Variants in NOTCH2NLR observed in about 807,000 individuals in gnomAD.
NOTCH2NLR encodes the protein notch 2 N-terminal like R (pseudogene).
In NOTCH2NLR, 33 loss-of-function variants were observed where a neutral mutation model predicts 35.6. The ratio of observed to expected loss-of-function variants is 0.93; its 90% CI spans 0.70 to 1.24. NOTCH2NLR has a LOEUF of 1.24. NOTCH2NLR is among the 50% of genes most tolerant of loss of function. The pLI is 0.00. For missense variants in NOTCH2NLR, 276 were observed against 362.2 expected (o/e 0.76, Z 1.93); for synonymous variants, 103 against 141.0 (o/e 0.73, Z 1.91).
chr1:120,793,785 A>T lies in NOTCH2NLR; in HGVS notation c.790A>T (p.Arg264Ter), dbSNP rs1277332324. The change falls in exon 5 of 5, where the codon AGA (arginine) becomes TGA (stop). Residue 264 changes from arginine to a stop codon, truncating the protein, a stop_gained. Transcript: ENST00000624419. LOFTEE classifies it high-confidence loss of function. ...TAAGAGGAACAGAGCTCTGGGAAAGAGACAGGCAAGTCTGGAATGGAAAAG... is the reference window on the plus strand; with the variant it reads ...TAAGAGGAACAGAGCTCTGGGAAAGTGACAGGCAAGTCTGGAATGGAAAAG... 7 of 1,025,916 alleles carry T rather than the reference A, an allele frequency of 6.8e-6. 2 individuals carry two copies. The highest frequency in any genetic ancestry group is 7.1e-5 in the African/African-American group (2 of 28,290). 63.6% of individuals were successfully genotyped at this position (1,025,916 alleles called of 1,614,324 possible). A position where few individuals can be genotyped will look rare whatever the true frequency, so the allele number is the denominator to read the frequency against.
chr1:120,750,390 C>G (rs1436830475), intron 1 of NOTCH2NLR, among the ~76,000 whole-genome samples: 1 of 79,880 alleles, frequency 1.3e-5, no homozygotes, highest in East Asian at 2.9e-4. Context: ...GGTGTTCACA[C>G]AAGCCATAGA....
intron 2 of NOTCH2NLR, among the ~76,000 whole-genome samples, chr1:120,776,127 C>T (rs1463199973): frequency 8.6e-6 from 1 of 116,666 alleles, no homozygotes; most frequent in East Asian, 2.1e-4. Context: ...TAGTTGAATG[C>T]CTTCTATATG....
intron 1 of NOTCH2NLR, among the ~76,000 whole-genome samples, chr1:120,761,168 G>A (rs1651133191): frequency 7.9e-6 from 1 of 126,282 alleles, no homozygotes; most frequent in Non-Finnish European, 1.6e-5. Flanking sequence ...TTGACTTTGG[G>A]TTGCTTGTAT....
chr1:120,730,619 C>T (rs1650865462), intron 1 of NOTCH2NLR, among the ~76,000 whole-genome samples: 1 of 115,104 alleles, frequency 8.7e-6, no homozygotes, highest in Non-Finnish European at 1.7e-5. Flanking sequence ...AGAATATTAT[C>T]TGTGTGGCAG....
rs1476124067 is a variant in NOTCH2NLR, at chr1:120,724,285, C to T, written c.73+35C>T. 3.8e-5 allele frequency: 52 copies of T among 1,373,336 alleles called. 11 individuals are homozygous for T. The highest frequency in any genetic ancestry group is 4.8e-5 in the Non-Finnish European group (51 of 1,053,006). 85.1% of individuals were successfully genotyped at this position (1,373,336 alleles called of 1,614,324 possible). ...GGGCTGAGGGGCGCTGTCCGCGGCG[C>T]CCGGGGCTGCCACCTGGGGCGACCC... is the stretch of plus-strand genomic sequence containing the variant. On this transcript the variant is annotated intron_variant, in intron 1 of 4. Transcript: ENST00000624419.
Position 120,724,238 on chromosome 1 carries a change from GC to G in NOTCH2NLR, c.66del (p.Ala23ArgfsTer14). On this transcript the variant is annotated frameshift_variant, in exon 1 of 5. Transcript: ENST00000624419. LOFTEE classifies it high-confidence loss of function. ...GCTGGCGCTCTGGCTGTGCTGGGCG[GC>G]CCCCGCGCATGGTGAGTATCGGGCT... 1 of 1,402,590 alleles carries G rather than the reference GC, an allele frequency of 7.1e-7. No individual in the cohort carries two copies. The highest frequency in any genetic ancestry group is 9.4e-7 in the Non-Finnish European group (1 of 1,068,854). The allele number at this position is 1,402,590 out of a possible 1,614,324, so 86.9% of individuals were successfully genotyped here.
At chr1:120,785,028 G>C (rs1651405460) in exon 3 of NOTCH2NLR, 3 of 1,437,000 alleles carry the variant, frequency 2.1e-6, no homozygotes. Context: ...CCTGTGAGAA[G>C]AACCGCTGCC....
chr1:120,745,761 A>G (rs1650976036), intron 1 of NOTCH2NLR, among the ~76,000 whole-genome samples: 1 of 39,808 alleles, frequency 2.5e-5, no homozygotes, highest in Non-Finnish European at 4.1e-5. Flanking sequence ...GGCTGCCATG[A>G]GCTGAGATCA....
At chr1:120,763,516 A>T in intron 1 of NOTCH2NLR, 112 bp from the exon 2 acceptor site, 2 of 489,760 alleles carry the variant, frequency 4.1e-6, no homozygotes, top group South Asian at 3.9e-5. Context: ...CTCTAAAAAG[A>T]AACCCAGATT....
intron 1 of NOTCH2NLR, among the ~76,000 whole-genome samples, chr1:120,728,578 C>T (rs1650840797): frequency 8.5e-6 from 1 of 117,492 alleles, no homozygotes; most frequent in Non-Finnish European, 1.6e-5. Flanking sequence ...CCACTGCTTC[C>T]TGTATTACTG....
Position 120,790,011 on chromosome 1 carries a change from T to G in NOTCH2NLR, c.416-3150T>G, listed in dbSNP as rs1200990237. Among the ~76,000 whole-genome samples the G allele has an allele frequency of 1.6e-4, 4 of 25,490 alleles. 2 individuals are homozygous for G. Among genetic ancestry groups the G allele is most frequent in the Non-Finnish European group, 3.6e-4 (4 of 11,226 alleles). The allele number at this position is 25,490 out of a possible 152,430, so 16.7% of individuals were successfully genotyped here. A position where few individuals can be genotyped will look rare whatever the true frequency, so the allele number is the denominator to read the frequency against. On this transcript the variant is annotated intron_variant, in intron 3 of 4. Coordinates refer to ENST00000624419, the Ensembl canonical transcript of NOTCH2NLR. ...TGTGTTCTGCAAGATTCTGATCACC[T>G]TTTTTTTTTTTTTTTTTTTTTTTGA...
chr1:120,768,570 C>T (rs1308181832), intron 2 of NOTCH2NLR, among the ~76,000 whole-genome samples: 2 of 110,054 alleles, frequency 1.8e-5, no homozygotes, highest in Non-Finnish European at 3.4e-5. Context: ...GCACACTCTT[C>T]CTCTTCTGCT....
At chr1:120,790,020 T>TC (rs1651466494) in intron 3 of NOTCH2NLR, among the ~76,000 whole-genome samples, 1 of 64,116 alleles carries the variant, frequency 1.6e-5, no homozygotes, top group African/African-American at 1.2e-4. Context: ...CTTTTTTTTT[T>TC]TTTTTTTTTT....
intron 1 of NOTCH2NLR, among the ~76,000 whole-genome samples, chr1:120,758,994 C>G (rs1651105324): frequency 9.0e-6 from 1 of 111,356 alleles, no homozygotes; most frequent in South Asian, 2.6e-4. Flanking sequence ...TATTACTGTC[C>G]TAAATTATTT....
rs1395991738 is a variant in NOTCH2NLR, at chr1:120,790,748, C to T, written c.416-2413C>T. Among the ~76,000 whole-genome samples, 16 of 109,992 alleles carry T rather than the reference C, an allele frequency of 1.5e-4. 5 individuals carry two copies. Among genetic ancestry groups the T allele is most frequent in the African/African-American group, 8.0e-4 (14 of 17,568 alleles). 72.2% of individuals were successfully genotyped at this position (109,992 alleles called of 152,430 possible). On this transcript the variant is annotated intron_variant, in intron 3 of 4. Transcript: ENST00000624419. ...CCAGGTAGCTGGGATTACAGGTATGCGCTATGAAGCCCGGCTAATTTTTGT... is the reference window on the plus strand; with the variant it reads ...CCAGGTAGCTGGGATTACAGGTATGTGCTATGAAGCCCGGCTAATTTTTGT...
rs1651479090 is a variant in NOTCH2NLR, at chr1:120,790,577, T to TTTCTTTCG, written c.416-2577_416-2576insGTTCTTTC. Among the ~76,000 whole-genome samples the TTTCTTTCG allele has an allele frequency of 4.7e-5, 5 of 107,216 alleles. 1 individual carries two copies. Among genetic ancestry groups the TTTCTTTCG allele is most frequent in the Non-Finnish European group, 1.7e-5 (1 of 57,612 alleles). 70.3% of individuals were successfully genotyped at this position (107,216 alleles called of 152,430 possible). On this transcript the variant is annotated intron_variant, in intron 3 of 4. Coordinates refer to ENST00000624419, the Ensembl canonical transcript of NOTCH2NLR. ...CTTTCTTTCTTTCTTTCTTTCTTTC[T>TTTCTTTCG]TTCTTTCTTTCTTTCTCTTTCTCTC...
At position 120,790,285 on chromosome 1, in the gene NOTCH2NLR, A is replaced by G. The variant is rs1279019414; in HGVS notation, c.416-2876A>G. On this transcript the variant is annotated intron_variant, in intron 3 of 4. Coordinates refer to ENST00000624419, the Ensembl canonical transcript of NOTCH2NLR. The stretch of plus-strand genomic sequence containing the variant: ...CGCCTCGGCCTCCCAAAGTGCTGGG[A>G]TTACAGGTGTGAGCCACCACACCGG... 1.8e-5 allele frequency among the ~76,000 whole-genome samples: 2 copies of G among 110,596 alleles called. 1 individual carries two copies. 72.6% of individuals were successfully genotyped at this position (110,596 alleles called of 152,430 possible).
Position 120,754,792 on chromosome 1 carries a change from C to G in NOTCH2NLR, c.74-8836C>G, listed in dbSNP as rs1221961548. ...AATGGTAAGAAAGGAACTTTCAAAA[C>G]TGTTTCAGTTTTGCAAAGATTAGAA... is the stretch of plus-strand genomic sequence containing the variant. On this transcript the variant is annotated intron_variant, in intron 1 of 4. Transcript: ENST00000624419. Among the ~76,000 whole-genome samples the G allele has an allele frequency of 1.2e-4, 14 of 115,154 alleles. 1 individual carries two copies. The highest frequency in any genetic ancestry group is 2.5e-4 in the South Asian group (1 of 3,940). The allele number at this position is 115,154 out of a possible 152,430, so 75.5% of individuals were successfully genotyped here. A position where few individuals can be genotyped will look rare whatever the true frequency, so the allele number is the denominator to read the frequency against.
At position 120,751,655 on chromosome 1, in the gene NOTCH2NLR, C is replaced by G. The variant is rs2101379599; in HGVS notation, c.74-11973C>G. On this transcript the variant is annotated intron_variant, in intron 1 of 4. Coordinates refer to ENST00000624419, the Ensembl canonical transcript of NOTCH2NLR. ...TCTTTCCTTTCCTTTCCTTTCCTTT[C>G]TCTCTCTCCTTTCTTTCTTTTGCTT... Among the ~76,000 whole-genome samples, 2 of 54,242 alleles carry G rather than the reference C, an allele frequency of 3.7e-5. 1 individual carries two copies. The highest frequency in any genetic ancestry group is 9.1e-4 in the South Asian group (2 of 2,208). The allele number at this position is 54,242 out of a possible 152,430, so 35.6% of individuals were successfully genotyped here.
Sources: allele counts gnomAD v4.1 joint callset (sites outside exome capture counted in the v4.1 genomes callset), GRCh38; gene constraint gnomAD v4.1.1; transcripts MANE v1.5; gene names NCBI Gene and HGNC (gene_info 2026-07-23, HGNC 2026-07-21).